The following CNTN1 variants were observed in gnomAD, a reference collection of about 807,000 sequenced individuals.
CNTN1 encodes the protein contactin 1.
In CNTN1, 38 loss-of-function variants were observed where a neutral mutation model predicts 126.4. The observed-to-expected ratio is 0.30, with a 90% CI of 0.23 to 0.39. CNTN1 has a LOEUF of 0.39. Ranked by LOEUF, CNTN1 falls within the 10% of genes least tolerant of loss-of-function variation. CNTN1 has a pLI of 1.00. For synonymous variants in CNTN1, 413 were observed against 422.6 expected, an observed-to-expected ratio of 0.98 and a Z score of 0.28; for missense variants, 1,009 against 1,248.4, an observed-to-expected ratio of 0.81 and a Z score of 2.89.
chr12:40,985,852 T>G (rs1947943128), intron 16 of CNTN1, among the ~76,000 whole-genome samples: 1 of 152,052 alleles, frequency 6.6e-6, no homozygotes, highest in African/African-American at 2.4e-5. Flanking sequence ...ATGGACAGTG[T>G]GTGTGTGTCT....
At chr12:40,999,127 G>A (rs1274944997) in intron 17 of CNTN1, among the ~76,000 whole-genome samples, 1 of 152,080 alleles carries the variant, frequency 6.6e-6, no homozygotes, top group African/African-American at 2.4e-5. Context: ...GGAAAGAATA[G>A]TCATGGCATT....
At chr12:40,849,472 A>G (rs1241251005) in intron 1 of CNTN1, among the ~76,000 whole-genome samples, 1 of 152,112 alleles carries the variant, frequency 6.6e-6, no homozygotes, top group Non-Finnish European at 1.5e-5. Context: ...AATTCCTGCA[A>G]AACTGACTCA....
At chr12:40,796,560 A>G (rs940144206) in intron 1 of CNTN1, among the ~76,000 whole-genome samples, 2 of 152,086 alleles carry the variant, frequency 1.3e-5, no homozygotes, top group Admixed American at 6.6e-5. Flanking sequence ...GCTGACAAAG[A>G]AGAGTGCCCT....
intron 23 of CNTN1, among the ~76,000 whole-genome samples, chr12:41,056,238 T>C (rs1949798183): frequency 6.6e-6 from 1 of 152,134 alleles, no homozygotes; most frequent in South Asian, 2.1e-4. Flanking sequence ...ATGCACTCTG[T>C]ATCTTTGTTA....
chr12:40,912,954 C>T (rs112437375), intron 3 of CNTN1, among the ~76,000 whole-genome samples: 30 of 152,042 alleles, frequency 2.0e-4, no homozygotes, highest in African/African-American at 5.1e-4. Flanking sequence ...TGTAGTAAGA[C>T]GTGAGGTAGG....
chr12:40,765,256 A>G (rs1015236641), intron 1 of CNTN1, among the ~76,000 whole-genome samples: 2 of 152,092 alleles, frequency 1.3e-5, no homozygotes, highest in South Asian at 4.1e-4. Context: ...TTTTTCTGAG[A>G]GGAAAACTCA....
At chr12:40,699,487 T>C (rs1941541805) in intron 1 of CNTN1, among the ~76,000 whole-genome samples, 2 of 152,212 alleles carry the variant, frequency 1.3e-5, no homozygotes, top group African/African-American at 4.8e-5. Flanking sequence ...TCCAAATTGC[T>C]AAATCAGTCA....
At chr12:40,845,401 A>T (rs1942461693) in intron 1 of CNTN1, among the ~76,000 whole-genome samples, 1 of 152,242 alleles carries the variant, frequency 6.6e-6, no homozygotes, top group Non-Finnish European at 1.5e-5. Flanking sequence ...GGTTAATTTA[A>T]CTTGTTAGTC....
In CNTN1 at chr12:40,697,818, T is replaced by C. The variant is rs1029903663; in HGVS notation, c.-77+5226T>C. On this transcript the variant is annotated intron_variant, in intron 1 of 23. Coordinates refer to ENST00000551295, the MANE Select transcript of CNTN1 (RefSeq NM_001843.4). Reference sequence around the variant, plus strand: ...CCCATGAAGTGAATAGTACCTTAATTCTTTCTGAGCTACTATTGTCCATTT... The same window carrying C: ...CCCATGAAGTGAATAGTACCTTAATCCTTTCTGAGCTACTATTGTCCATTT... 3.3e-5 allele frequency among the ~76,000 whole-genome samples: 5 copies of C among 152,200 alleles called. No individual in the cohort carries two copies. In the East Asian group the frequency reaches 9.6e-4, roughly 29 times the overall value.
intron 1 of CNTN1, among the ~76,000 whole-genome samples, chr12:40,774,150 G>A (rs1236055841): frequency 6.6e-6 from 1 of 151,570 alleles, no homozygotes; most frequent in Non-Finnish European, 1.5e-5. Flanking sequence ...TAACTTGGTT[G>A]ATATAGGTGG....
At chr12:40,790,474 C>T (rs35935710) in intron 1 of CNTN1, among the ~76,000 whole-genome samples, 4,733 of 152,156 alleles carry the variant, frequency 0.031, 95 homozygotes, top group Middle Eastern at 0.13. Flanking sequence ...AATGAATAGG[C>T]ACTAGGAATT....
intron 15 of CNTN1, among the ~76,000 whole-genome samples, chr12:40,975,286 TC>T (rs1250865191): frequency 2.7e-5 from 4 of 150,680 alleles, no homozygotes; most frequent in African/African-American, 9.7e-5. Flanking sequence ...CTATTATTTG[TC>T]TGTAGTGCAT....
At chr12:40,736,660 A>G (rs1345474515) in intron 1 of CNTN1, among the ~76,000 whole-genome samples, 1 of 152,160 alleles carries the variant, frequency 6.6e-6, no homozygotes, top group African/African-American at 2.4e-5. Flanking sequence ...AACCACTTGC[A>G]TTGATAAAGA....
intron 1 of CNTN1, among the ~76,000 whole-genome samples, chr12:40,864,691 T>C (rs1226180298): frequency 6.6e-6 from 1 of 152,226 alleles, no homozygotes; most frequent in Non-Finnish European, 1.5e-5. Context: ...TATTACTGTA[T>C]AATATTCCAT....
At chr12:40,947,188 T>C (rs758021592) in intron 14 of CNTN1, among the ~76,000 whole-genome samples, 14 of 151,992 alleles carry the variant, frequency 9.2e-5, no homozygotes, top group Non-Finnish European at 1.9e-4. Context: ...AGAAAAACAC[T>C]AAGGAGTTAA....
At chr12:40,794,491 A>G (rs1411977343) in intron 1 of CNTN1, among the ~76,000 whole-genome samples, 1 of 152,028 alleles carries the variant, frequency 6.6e-6, no homozygotes, top group Admixed American at 6.6e-5. Flanking sequence ...AATGAAACTG[A>G]ACAAATCATA....
chr12:40,887,085 T>C (rs1944063922), intron 1 of CNTN1, among the ~76,000 whole-genome samples: 1 of 152,084 alleles, frequency 6.6e-6, no homozygotes, highest in African/African-American at 2.4e-5. Context: ...TTTAAAGTAG[T>C]TTTTTCCAAT....
At chr12:41,050,740 A>G (rs1460026475) in intron 23 of CNTN1, among the ~76,000 whole-genome samples, 2 of 152,188 alleles carry the variant, frequency 1.3e-5, no homozygotes, top group Non-Finnish European at 2.9e-5. Flanking sequence ...GTTTTTATAT[A>G]TCTTAAACCT....
intron 15 of CNTN1, among the ~76,000 whole-genome samples, chr12:40,967,225 G>A (rs1301086618): frequency 6.6e-6 from 1 of 152,068 alleles, no homozygotes; most frequent in Non-Finnish European, 1.5e-5. Flanking sequence ...GCTCATGGCT[G>A]TAATCCCAGC....
Sources: gnomAD v4.1 joint callset for allele counts (sites outside exome capture counted in the v4.1 genomes callset) on GRCh38, gnomAD v4.1.1 for gene constraint, MANE v1.5 for transcripts, NCBI Gene and HGNC (gene_info 2026-07-23, HGNC 2026-07-21) for gene names.